Variants in FXR1 observed in about 807,000 individuals in gnomAD.
FXR1 encodes the protein RNA-binding protein FXR1.
Under a neutral mutation model 84.0 loss-of-function variants are expected in FXR1, and 15 were observed. That is an observed-to-expected ratio of 0.18 (90% CI 0.12 to 0.27). The LOEUF (loss-of-function observed/expected upper bound fraction) is 0.27, where lower values mean the gene tolerates loss of function less well. Among genes scored for constraint, FXR1 ranks in the 10% least tolerant of loss-of-function variants. The probability of loss-of-function intolerance (pLI) is 1.00; values close to 1 mark genes in which losing one functional copy is unlikely to be tolerated. For synonymous variants in FXR1, 245 were observed against 250.7 expected, an observed-to-expected ratio of 0.98 and a Z score of 0.21; for missense variants, 480 against 774.4, an observed-to-expected ratio of 0.62 and a Z score of 4.51.
At chr3:180,959,194 T>TA (rs1432397576) in intron 10 of FXR1, among the ~76,000 whole-genome samples, 1 of 152,220 alleles carries the variant, frequency 6.6e-6, no homozygotes, top group Non-Finnish European at 1.5e-5. Context: ...GAAATCCCAT[T>TA]ACGTTGCTGT....
At chr3:180,949,418 G>A in intron 7 of FXR1, 75 bp downstream of exon 7, 1 of 805,114 alleles carries the variant, frequency 1.2e-6, no homozygotes, top group Non-Finnish European at 2.2e-6. Context: ...ACAGATTCTG[G>A]CTCTGTTGCC....
In FXR1 at chr3:180,977,163, T is replaced by C. The variant is rs568638039; in HGVS notation, c.*871T>C. 6.6e-6 allele frequency: 1 copy of C among 152,482 alleles called. No homozygotes were observed. The highest frequency in any genetic ancestry group is 1.9e-4 in the East Asian group (1 of 5,178). 9.4% of individuals were successfully genotyped at this position (152,482 alleles called of 1,614,324 possible). On this transcript the variant is annotated 3_prime_UTR_variant, in exon 17 of 17. Transcript: ENST00000357559. Reference sequence around the variant, plus strand: ...AAACTTTGATCTTCCATTTGCTGAATTTTTTTAACTTTCTACTTTTTACAC... The same window carrying C: ...AAACTTTGATCTTCCATTTGCTGAACTTTTTTAACTTTCTACTTTTTACAC...
intron 8 of FXR1, among the ~76,000 whole-genome samples, chr3:180,951,854 C>T (rs984977261): frequency 3.3e-5 from 5 of 152,028 alleles, no homozygotes; most frequent in South Asian, 2.1e-4. Context: ...TATAATACTT[C>T]GTCACTGGTT....
At chr3:180,972,967 A>G (rs1713771393) in intron 15 of FXR1, among the ~76,000 whole-genome samples, 1 of 152,192 alleles carries the variant, frequency 6.6e-6, no homozygotes, top group Non-Finnish European at 1.5e-5. Flanking sequence ...CATCTGCTCA[A>G]AATTTCTTGT....
chr3:180,973,691 TGGAA>T (rs570706875), intron 15 of FXR1, among the ~76,000 whole-genome samples: 500 of 152,352 alleles, frequency 3.3e-3, no homozygotes, highest in African/African-American at 0.011. Context: ...TCTTACAGTT[TGGAA>T]GGAAGGAGGC....
rs961636334 is a variant in FXR1, at chr3:180,956,863, C to A, written c.881-956C>A. Among the ~76,000 whole-genome samples the A allele has an allele frequency of 3.3e-5, 5 of 152,270 alleles. No individual in the cohort carries two copies. In the East Asian group the frequency reaches 9.7e-4, roughly 29 times the overall value. On this transcript the variant is annotated intron_variant, in intron 9 of 16. Coordinates refer to ENST00000357559, the MANE Select transcript of FXR1 (RefSeq NM_005087.4). ...TATTCATTCTTTAATAGAAACTGTT[C>A]AGGCATGCAACAGGAAAATCTTCCA...
intron 7 of FXR1, 146 bp downstream of exon 7, chr3:180,949,489 C>T (rs977187437): frequency 2.9e-5 from 19 of 646,566 alleles, no homozygotes; most frequent in South Asian, 5.1e-5. Context: ...CGGATTCAAG[C>T]GGTTCTCCTG....
In FXR1 at chr3:180,980,756, A is replaced by G. The variant is rs1714571363; in HGVS notation, c.*4464A>G. On this transcript the variant is annotated 3_prime_UTR_variant, in exon 17 of 17. Coordinates refer to ENST00000357559, the MANE Select transcript of FXR1 (RefSeq NM_005087.4). ...GACACAGGATAGAAGCTCTTCCTATATATATCTTGTTGCTAAGGCAGTAGT... is the reference window on the plus strand; with the variant it reads ...GACACAGGATAGAAGCTCTTCCTATGTATATCTTGTTGCTAAGGCAGTAGT... 6.6e-6 allele frequency: 1 copy of G among 151,988 alleles called. No individual in the cohort carries two copies. Among genetic ancestry groups the G allele is most frequent in the Admixed American group, 6.6e-5 (1 of 15,250 alleles). 9.4% of individuals were successfully genotyped at this position (151,988 alleles called of 1,614,324 possible).
intron 3 of FXR1, among the ~76,000 whole-genome samples, chr3:180,947,249 G>T (rs1645787231): frequency 6.6e-6 from 1 of 152,094 alleles, no homozygotes; most frequent in African/African-American, 2.4e-5. Context: ...GGTTTACCGT[G>T]TTGGTCAGCC....
intron 3 of FXR1, among the ~76,000 whole-genome samples, chr3:180,943,891 A>T (rs1054763018): frequency 6.6e-6 from 1 of 152,082 alleles, no homozygotes; most frequent in Non-Finnish European, 1.5e-5. Context: ...AGTTACTCGA[A>T]TGGGCACCTT....
chr3:180,926,475 AC>A, intron 1 of FXR1, among the ~76,000 whole-genome samples: 1 of 83,566 alleles, frequency 1.2e-5, no homozygotes, highest in Non-Finnish European at 2.3e-5. Context: ...GGGGGATTGT[AC>A]TGTATATATA....
At chr3:180,926,506 A>ATATATATATATATATATATATT (rs72192827) in intron 1 of FXR1, among the ~76,000 whole-genome samples, 1 of 124,394 alleles carries the variant, frequency 8.0e-6, no homozygotes, top group Non-Finnish European at 1.7e-5. Flanking sequence ...ATATATATAT[A>ATATATATATATATATATATATT]TTTTTTTTTC....
intron 1 of FXR1, among the ~76,000 whole-genome samples, chr3:180,932,083 A>AAAAAAAAAAC (rs1553842577): frequency 6.7e-6 from 1 of 150,370 alleles, no homozygotes. Flanking sequence ...TTCAAAAAAA[A>AAAAAAAAAAC]AAAAAAACAA....
chr3:180,930,851 A>T (rs530011004), intron 1 of FXR1, among the ~76,000 whole-genome samples: 1 of 151,946 alleles, frequency 6.6e-6, no homozygotes, highest in African/African-American at 2.4e-5. Context: ...CCTGGCCCAC[A>T]TGGCAAAACT....
intron 6 of FXR1, 138 bp from the exon 7 acceptor site, chr3:180,949,089 T>C: frequency 1.4e-6 from 1 of 691,516 alleles, no homozygotes; most frequent in Non-Finnish European, 2.6e-6. Flanking sequence ...AAAGTGTGAT[T>C]ACTCAGAGTA....
chr3:180,917,027 A>G (rs1717977749), intron 1 of FXR1, among the ~76,000 whole-genome samples: 1 of 151,648 alleles, frequency 6.6e-6, no homozygotes, highest in Non-Finnish European at 1.5e-5. Context: ...GTAGAGACGG[A>G]GTTTCACCAT....
chr3:180,947,736 A>T (rs1721845201), intron 3 of FXR1, 129 bp from the exon 4 acceptor site: 2 of 466,862 alleles, frequency 4.3e-6, no homozygotes, highest in African/African-American at 2.0e-5. Context: ...ATTGCATTTA[A>T]TATGCCAATT....
At chr3:180,959,987 T>C (rs1009365422) in intron 10 of FXR1, among the ~76,000 whole-genome samples, 6 of 152,198 alleles carry the variant, frequency 3.9e-5, no homozygotes, top group Non-Finnish European at 8.8e-5. Context: ...TCTGTTTAAC[T>C]GTTAGAAACC....
At chr3:180,921,549 G>T (rs78274420) in intron 1 of FXR1, among the ~76,000 whole-genome samples, 3 of 151,926 alleles carry the variant, frequency 2.0e-5, no homozygotes, top group East Asian at 1.9e-4. Flanking sequence ...ACATTTTTTT[G>T]ATTGCAGTAG....
Sources: gnomAD v4.1 joint callset for allele counts (sites outside exome capture counted in the v4.1 genomes callset) on GRCh38, gnomAD v4.1.1 for gene constraint, MANE v1.5 for transcripts, NCBI Gene and HGNC (gene_info 2026-07-23, HGNC 2026-07-21) for gene names.